The following CNTNAP2 variants were observed in gnomAD, a reference collection of about 807,000 sequenced individuals.
The protein encoded by CNTNAP2 is contactin associated protein 2.
CNTNAP2 carries 98 observed loss-of-function variants against 155.2 expected under a neutral mutation model. That is an observed-to-expected ratio of 0.63 (90% CI 0.54 to 0.75). The LOEUF (loss-of-function observed/expected upper bound fraction) is 0.75. Among genes scored for constraint, CNTNAP2 ranks in the 30% least tolerant of loss-of-function variants. CNTNAP2 has a pLI of 0.00. For missense variants in CNTNAP2, 1,727 were observed against 1,688.1 expected (o/e 1.02, Z -0.40); for synonymous variants, 651 against 631.2 (o/e 1.03, Z -0.47).
At chr7:147,014,459 T>C (rs966836166) in intron 3 of CNTNAP2, among the ~76,000 whole-genome samples, 1 of 152,100 alleles carries the variant, frequency 6.6e-6, no homozygotes, top group Non-Finnish European at 1.5e-5. Flanking sequence ...CATCCAACAA[T>C]AAATAAATAG....
intron 14 of CNTNAP2, among the ~76,000 whole-genome samples, chr7:147,942,541 C>A (rs1438863022): frequency 3.3e-5 from 5 of 152,110 alleles, no homozygotes; most frequent in Admixed American, 6.5e-5. Flanking sequence ...CTCTAGAATC[C>A]TATTTTGGTA....
intron 1 of CNTNAP2, among the ~76,000 whole-genome samples, chr7:146,583,921 G>C (rs1157780468): frequency 6.6e-6 from 1 of 152,096 alleles, no homozygotes; most frequent in East Asian, 1.9e-4. Flanking sequence ...TTGGGATTGA[G>C]TTCCTTTTTT....
chr7:148,084,988 C>T lies in CNTNAP2; in HGVS notation c.2384-33130C>T, dbSNP rs139048801. On this transcript the variant is annotated intron_variant, in intron 15 of 23. Transcript: ENST00000361727. ...GTGTTACCCACGACAGTCATTTAGTCGGTCAATTTCAGGCTAGTGATAAAA... is the reference window on the plus strand; with the variant it reads ...GTGTTACCCACGACAGTCATTTAGTTGGTCAATTTCAGGCTAGTGATAAAA... Among the ~76,000 whole-genome samples the T allele has an allele frequency of 3.5e-3, 532 of 152,272 alleles. 4 individuals carry two copies. The highest frequency in any genetic ancestry group is 0.012 in the African/African-American group (505 of 41,556).
chr7:146,947,575 A>ATG (rs1797213535), intron 3 of CNTNAP2, among the ~76,000 whole-genome samples: 5 of 24,580 alleles, frequency 2.0e-4, no homozygotes, highest in African/African-American at 4.3e-4. Flanking sequence ...ATATATATAT[A>ATG]CATATATATA....
intron 2 of CNTNAP2, among the ~76,000 whole-genome samples, chr7:146,827,012 GATT>G (rs1803418071): frequency 6.6e-6 from 1 of 151,784 alleles, no homozygotes; most frequent in Non-Finnish European, 1.5e-5. Context: ...TGATTAAGGA[GATT>G]TTTTTCAATT....
chr7:146,455,232 C>A (rs192520683), intron 1 of CNTNAP2, among the ~76,000 whole-genome samples: 1 of 152,178 alleles, frequency 6.6e-6, no homozygotes, highest in African/African-American at 2.4e-5. Flanking sequence ...CAGTATCTCT[C>A]TATAAGGACA....
intron 3 of CNTNAP2, among the ~76,000 whole-genome samples, chr7:146,918,712 T>G (rs1354761957): frequency 6.6e-6 from 1 of 152,246 alleles, no homozygotes; most frequent in Non-Finnish European, 1.5e-5. Flanking sequence ...CTTCTTGTAT[T>G]TGGATGTCTA....
chr7:148,010,663 T>G (rs200783125), intron 15 of CNTNAP2, among the ~76,000 whole-genome samples: 1 of 16,108 alleles, frequency 6.2e-5, no homozygotes, highest in Non-Finnish European at 1.0e-4. Flanking sequence ...ACATCAAGGT[T>G]TTTTTTTTTT....
chr7:146,535,525 G>A (rs55721349), intron 1 of CNTNAP2, among the ~76,000 whole-genome samples: 53,992 of 131,596 alleles, frequency 0.41, 12,990 homozygotes, highest in African/African-American at 0.68. Flanking sequence ...ATCAACATTT[G>A]TTTATTTAAA....
At chr7:146,620,384 A>G (rs1228918657) in intron 1 of CNTNAP2, among the ~76,000 whole-genome samples, 1 of 152,200 alleles carries the variant, frequency 6.6e-6, no homozygotes, top group African/African-American at 2.4e-5. Flanking sequence ...CAGTACATTG[A>G]TAATTACTAG....
chr7:148,147,702 A>T lies in CNTNAP2; in HGVS notation c.2766A>T (p.Leu922Phe). The change falls in exon 17 of 24, where the codon TTA (leucine) becomes TTT (phenylalanine). Residue 922 changes from leucine to phenylalanine, a missense_variant. Coordinates refer to ENST00000361727, the MANE Select transcript of CNTNAP2 (RefSeq NM_014141.6). ...GHTRLELYSQ[L>F]FVGGAGGQQG... ...CCCGCCTGGAGCTCTACAGCCAGTT[A>T]TTTGTGGGTAAGTAATGGAAAGGTA... 8.7e-6 allele frequency: 14 copies of T among 1,612,120 alleles called. No homozygotes were observed. The highest frequency in any genetic ancestry group is 1.2e-5 in the Non-Finnish European group (14 of 1,179,736).
At chr7:147,700,662 G>C (rs972709858) in intron 13 of CNTNAP2, among the ~76,000 whole-genome samples, 1 of 152,158 alleles carries the variant, frequency 6.6e-6, no homozygotes, top group Non-Finnish European at 1.5e-5. Context: ...AAACTTATTG[G>C]TGTTTTATGA....
intron 3 of CNTNAP2, among the ~76,000 whole-genome samples, chr7:146,984,229 T>C (rs1798072704): frequency 6.6e-6 from 1 of 151,830 alleles, no homozygotes; most frequent in African/African-American, 2.4e-5. Flanking sequence ...TAGTCGGGTG[T>C]GGTGGGACAC....
intron 3 of CNTNAP2, among the ~76,000 whole-genome samples, chr7:146,951,006 T>G (rs1234498162): frequency 1.3e-5 from 2 of 152,228 alleles, no homozygotes; most frequent in African/African-American, 4.8e-5. Flanking sequence ...TGAGATGGTA[T>G]CTCATCGTGG....
intron 11 of CNTNAP2, among the ~76,000 whole-genome samples, chr7:147,488,428 A>AT (rs1388015054): frequency 6.6e-6 from 1 of 152,158 alleles, no homozygotes; most frequent in Non-Finnish European, 1.5e-5. Flanking sequence ...GCAGTTGCTT[A>AT]TTCTGTATTC....
At chr7:146,924,854 T>C (rs1386860129) in intron 3 of CNTNAP2, among the ~76,000 whole-genome samples, 1 of 152,168 alleles carries the variant, frequency 6.6e-6, no homozygotes, top group African/African-American at 2.4e-5. Context: ...TATAAATCTT[T>C]TGATTCATAG....
At chr7:146,286,039 T>A (rs1800331437) in intron 1 of CNTNAP2, among the ~76,000 whole-genome samples, 1 of 125,966 alleles carries the variant, frequency 7.9e-6, no homozygotes, top group Non-Finnish European at 1.6e-5. Flanking sequence ...CCTGTCTTTC[T>A]GTCTTTTTTT....
intron 21 of CNTNAP2, among the ~76,000 whole-genome samples, chr7:148,286,706 G>C (rs1360891183): frequency 6.6e-6 from 1 of 152,086 alleles, no homozygotes; most frequent in East Asian, 1.9e-4. Flanking sequence ...ATTAAACAAA[G>C]TGACTTAGCC....
At chr7:148,148,679 CCA>C in intron 17 of CNTNAP2, among the ~76,000 whole-genome samples, 1 of 152,330 alleles carries the variant, frequency 6.6e-6, no homozygotes, top group East Asian at 1.9e-4. Context: ...GGCAGAGTCC[CCA>C]CAGTGTCTTT....
Sources: gnomAD v4.1 joint callset for allele counts (sites outside exome capture counted in the v4.1 genomes callset) on GRCh38, gnomAD v4.1.1 for gene constraint, MANE v1.5 for transcripts, NCBI Gene and HGNC (gene_info 2026-07-23, HGNC 2026-07-21) for gene names.